Variants in KALRN observed in about 807,000 individuals in gnomAD.
The protein encoded by KALRN is kalirin.
In KALRN, 70 loss-of-function variants were observed where a neutral mutation model predicts 353.7. The ratio of observed to expected loss-of-function variants is 0.20; its 90% CI spans 0.16 to 0.24. The LOEUF is 0.24. KALRN is among the 10% of genes least tolerant of loss of function. The pLI is 1.00. For synonymous variants in KALRN, 1,391 were observed against 1,434.8 expected (o/e 0.97, Z 0.69); for missense variants, 2,791 against 3,756.7 (o/e 0.74, Z 6.72).
intron 3 of KALRN, among the ~76,000 whole-genome samples, chr3:124,239,827 G>A (rs2080226801): frequency 2.6e-5 from 4 of 152,138 alleles, no homozygotes; most frequent in Admixed American, 2.6e-4. Flanking sequence ...TGTTGTAAGG[G>A]CCTGTTGAGA....
At position 124,671,654 on chromosome 3, in the gene KALRN, C is replaced by T. The variant is rs1431287094; in HGVS notation, c.6704-6C>T. ...CTTAGAGTAACCACCTGCTCTTATCCCACAGCACTGCAATCGCCCATTGAG... is the reference window on the plus strand; with the variant it reads ...CTTAGAGTAACCACCTGCTCTTATCTCACAGCACTGCAATCGCCCATTGAG... On this transcript the variant is annotated splice_polypyrimidine_tract_variant and splice_region_variant and intron_variant, in intron 47 of 59. Transcript: ENST00000682506. 6.2e-7 allele frequency: 1 copy of T among 1,602,886 alleles called. No individual in the cohort carries two copies. Among genetic ancestry groups the T allele is most frequent in the East Asian group, 2.2e-5 (1 of 44,810 alleles).
intron 34 of KALRN, among the ~76,000 whole-genome samples, chr3:124,570,144 C>A (rs1293120473): frequency 6.6e-6 from 1 of 152,234 alleles, no homozygotes; most frequent in East Asian, 1.9e-4. Context: ...TATAATTCTG[C>A]ATTAGGAGCC....
At chr3:124,299,919 C>A (rs995851757) in intron 6 of KALRN, among the ~76,000 whole-genome samples, 21 of 152,270 alleles carry the variant, frequency 1.4e-4, no homozygotes, top group African/African-American at 5.1e-4. Flanking sequence ...CCTCAGAATG[C>A]CTATCTCCTC....
rs1219975898 is a variant in KALRN, at chr3:124,666,644, C to T, written c.6531+10C>T. Reference sequence around the variant, plus strand: ...CAAAAGGAGCATCAAGGTGAGGATCCCAATGGTGATGAGAAGAGGCAAGGA... The same window carrying T: ...CAAAAGGAGCATCAAGGTGAGGATCTCAATGGTGATGAGAAGAGGCAAGGA... On this transcript the variant is annotated intron_variant, in intron 46 of 59. Transcript: ENST00000682506. The T allele has an allele frequency of 1.2e-6, 2 of 1,611,588 alleles. No individual in the cohort carries two copies. The highest frequency in any genetic ancestry group is 2.2e-5 in the South Asian group (2 of 90,846).
intron 57 of KALRN, among the ~76,000 whole-genome samples, chr3:124,711,282 A>G (rs2062874774): frequency 6.6e-6 from 1 of 152,176 alleles, no homozygotes; most frequent in South Asian, 2.1e-4. Flanking sequence ...TCAGCTTCCC[A>G]AAGCACTGGG....
intron 50 of KALRN, chr3:124,678,535 A>G (rs1162692011): frequency 2.3e-6 from 1 of 435,356 alleles, no homozygotes. Flanking sequence ...TTTTTCTTTT[A>G]TACCTTTCTC....
chr3:124,703,464 C>T (rs1021294989), intron 57 of KALRN, among the ~76,000 whole-genome samples: 42 of 152,062 alleles, frequency 2.8e-4, no homozygotes, highest in African/African-American at 9.7e-4. Flanking sequence ...ATCCATACAA[C>T]ACTATGAGAT....
At chr3:124,718,302 T>C (rs934183950) in intron 59 of KALRN, among the ~76,000 whole-genome samples, 1 of 151,792 alleles carries the variant, frequency 6.6e-6, no homozygotes, top group Non-Finnish European at 1.5e-5. Context: ...TTTGTATTTT[T>C]AGTAGAGATG....
chr3:124,205,287 G>T lies in KALRN; in HGVS notation c.74-22703G>T, dbSNP rs148187156. Among the ~76,000 whole-genome samples, 134 of 152,268 alleles carry T rather than the reference G, an allele frequency of 8.8e-4. 1 individual carries two copies. Among genetic ancestry groups the T allele is most frequent in the African/African-American group, 3.1e-3 (127 of 41,558 alleles). ...GCAAAAATTCTGAAAATTACAATTAGTTCTCAGAAACCAGAACAAGCAGGC... is the reference window on the plus strand; with the variant it reads ...GCAAAAATTCTGAAAATTACAATTATTTCTCAGAAACCAGAACAAGCAGGC... On this transcript the variant is annotated intron_variant, in intron 1 of 59. Transcript: ENST00000682506.
At chr3:124,294,284 T>A (rs1346038515) in intron 5 of KALRN, among the ~76,000 whole-genome samples, 1 of 151,880 alleles carries the variant, frequency 6.6e-6, no homozygotes, top group Non-Finnish European at 1.5e-5. Flanking sequence ...GGCAGGGCGG[T>A]GTCCCCAAAG....
intron 1 of KALRN, among the ~76,000 whole-genome samples, chr3:124,068,730 A>G (rs1482564536): frequency 6.6e-6 from 1 of 152,242 alleles, no homozygotes; most frequent in African/African-American, 2.4e-5. Flanking sequence ...CAGCAGTTGA[A>G]TAATGATTAT....
chr3:124,106,391 C>A (rs1197337806), intron 1 of KALRN, among the ~76,000 whole-genome samples: 4 of 152,112 alleles, frequency 2.6e-5, no homozygotes, highest in African/African-American at 9.7e-5. Flanking sequence ...TCCGATGACC[C>A]TGTGATGTTG....
At chr3:124,228,244 G>A (rs2078790951) in intron 2 of KALRN, among the ~76,000 whole-genome samples, 180 bp downstream of exon 2, 1 of 152,140 alleles carries the variant, frequency 6.6e-6, no homozygotes, top group Non-Finnish European at 1.5e-5. Flanking sequence ...TCTGGCCCCA[G>A]CTGAGTGTTC....
At chr3:124,250,060 T>TG (rs200162185) in intron 3 of KALRN, among the ~76,000 whole-genome samples, 6,882 of 151,612 alleles carry the variant, frequency 0.045, 238 homozygotes, top group Non-Finnish European at 0.073. Flanking sequence ...GGGCATGGCC[T>TG]GGGGGGGGTG....
intron 5 of KALRN, among the ~76,000 whole-genome samples, chr3:124,286,817 A>T (rs2149098027): frequency 6.6e-6 from 1 of 152,284 alleles, no homozygotes; most frequent in Non-Finnish European, 1.5e-5. Flanking sequence ...TATCTGGATC[A>T]TCTTCTATAG....
chr3:124,334,722 A>G lies in KALRN; in HGVS notation c.1647+227A>G, dbSNP rs1395933554. ...GACTGTATAGACTGGCCTTCTCACC[A>G]CGTGGTATTGTAAAGGGAGACTCAG... On this transcript the variant is annotated intron_variant, in intron 9 of 59. Transcript: ENST00000682506. This position sits in a 1 kb window ranked among gnomAD's most constrained non-coding sequence, Gnocchi z 4.2. 1.3e-5 allele frequency among the ~76,000 whole-genome samples: 2 copies of G among 152,190 alleles called. No individual in the cohort carries two copies. Among genetic ancestry groups the G allele is most frequent in the Admixed American group, 6.5e-5 (1 of 15,290 alleles).
intron 5 of KALRN, among the ~76,000 whole-genome samples, chr3:124,288,698 A>G (rs754816630): frequency 6.6e-6 from 1 of 152,174 alleles, no homozygotes; most frequent in Admixed American, 6.5e-5. Context: ...ATGGCTTAGT[A>G]TAAGGGACAG....
At chr3:124,418,251 A>C (rs1240615671) in intron 14 of KALRN, among the ~76,000 whole-genome samples, 2 of 152,220 alleles carry the variant, frequency 1.3e-5, no homozygotes, top group African/African-American at 4.8e-5. Flanking sequence ...ATGTAGAACA[A>C]TGGTTCTTAA....
chr3:124,096,413 G>C (rs912341686), intron 1 of KALRN, among the ~76,000 whole-genome samples: 1 of 152,192 alleles, frequency 6.6e-6, no homozygotes, highest in Non-Finnish European at 1.5e-5. Flanking sequence ...GACAGGAACA[G>C]GTGGTATATA....
Sources: allele counts gnomAD v4.1 joint callset (sites outside exome capture counted in the v4.1 genomes callset), GRCh38; gene constraint gnomAD v4.1.1; non-coding constraint Gnocchi (gnomAD v3.1); transcripts MANE v1.5; gene names NCBI Gene and HGNC (gene_info 2026-07-23, HGNC 2026-07-21).